ERBIN: variants seen among roughly 807,000 people sequenced by gnomAD.
ERBIN encodes erbb2 interacting protein, also known as densin-180-like protein.
ERBIN carries 60 observed loss-of-function variants against 158.4 expected under a neutral mutation model. That is an observed-to-expected ratio of 0.38 (90% confidence interval 0.31 to 0.47). The LOEUF is 0.47. Among genes scored for constraint, ERBIN ranks in the 20% least tolerant of loss-of-function variants. The pLI is 0.99. For missense variants in ERBIN, 1,610 were observed against 1,648.0 expected (o/e 0.98, Z 0.40); for synonymous variants, 594 against 557.2 (o/e 1.07, Z -0.93).
At chr5:65,956,547 T>TC (rs1301288693) in intron 1 of ERBIN, among the ~76,000 whole-genome samples, 1 of 142,756 alleles carries the variant, frequency 7.0e-6, no homozygotes, top group Non-Finnish European at 1.5e-5. Flanking sequence ...TTTTTTTACT[T>TC]TTTTTTTTTT....
chr5:66,071,037 C>T (rs1761482464), intron 21 of ERBIN, among the ~76,000 whole-genome samples: 1 of 152,100 alleles, frequency 6.6e-6, no homozygotes, highest in Non-Finnish European at 1.5e-5. Flanking sequence ...ATGTGTCTTG[C>T]TTCCTGGCAT....
chr5:66,021,266 G>T, intron 7 of ERBIN, 56 bp from the exon 8 acceptor site: 1 of 1,114,498 alleles, frequency 9.0e-7, no homozygotes, highest in South Asian at 1.4e-5. Flanking sequence ...TGTTTTGAAA[G>T]CTTCCATGTA....
At chr5:65,992,560 A>C in intron 2 of ERBIN, 150 bp from the exon 3 acceptor site, 1 of 535,350 alleles carries the variant, frequency 1.9e-6, no homozygotes, top group South Asian at 3.3e-5. Flanking sequence ...GTGGGTATTA[A>C]AGCAATGTTA....
chr5:66,019,214 T>A (rs559367678), intron 7 of ERBIN, among the ~76,000 whole-genome samples: 1 of 152,284 alleles, frequency 6.6e-6, no homozygotes, highest in Non-Finnish European at 1.5e-5. Context: ...GGTTTTTGCT[T>A]GATTATAACT....
chr5:65,951,255 A>G (rs1746471645), intron 1 of ERBIN, among the ~76,000 whole-genome samples: 1 of 152,270 alleles, frequency 6.6e-6, no homozygotes, highest in Middle Eastern at 3.4e-3. Flanking sequence ...CTTATTTAGT[A>G]TTTAGACTAC....
chr5:65,968,878 A>G (rs987426655), intron 1 of ERBIN, among the ~76,000 whole-genome samples: 12 of 152,244 alleles, frequency 7.9e-5, no homozygotes, highest in Non-Finnish European at 1.5e-4. Flanking sequence ...TTTATTTTTA[A>G]ATTTGGAGAA....
chr5:65,931,895 C>T (rs570501104), intron 1 of ERBIN, among the ~76,000 whole-genome samples: 3 of 150,876 alleles, frequency 2.0e-5, no homozygotes, highest in East Asian at 2.0e-4. Flanking sequence ...CTCGGCTCAC[C>T]GCAGCCTCTG....
rs778191583 is a variant in ERBIN at position 65,992,883 on chromosome 5, T to G, written c.165T>G (p.Ala55=). 1.9e-6 allele frequency: 3 copies of G among 1,605,228 alleles called. No homozygotes were observed. The highest frequency in any genetic ancestry group is 2.5e-6 in the Non-Finnish European group (3 of 1,177,418). Residue 55 remains alanine, a synonymous_variant, in exon 3 of 26, where the codon GCT becomes GCG. Transcript: ENST00000284037. Reference sequence around the variant, plus strand: ...CCTTGGAGGAACTCTATTTAGATGCTAATCAGATTGAAGAGCTTCCAAAGG... The same window carrying G: ...CCTTGGAGGAACTCTATTTAGATGCGAATCAGATTGAAGAGCTTCCAAAGG... The part of the protein sequence containing the change: ...EKTLEELYLD[A]NQIEELPKQL...
intron 1 of ERBIN, among the ~76,000 whole-genome samples, chr5:65,927,596 A>G (rs1742813229): frequency 6.6e-6 from 1 of 152,242 alleles, no homozygotes; most frequent in South Asian, 2.1e-4. Flanking sequence ...TGTACAGTTC[A>G]GAACAGACGA....
intron 1 of ERBIN, among the ~76,000 whole-genome samples, chr5:65,927,570 C>T (rs1050470375): frequency 6.6e-6 from 1 of 152,134 alleles, no homozygotes; most frequent in African/African-American, 2.4e-5. Flanking sequence ...ACCTGTAAGA[C>T]GTTTAATAGG....
At chr5:66,011,425 AG>A (rs1462947347) in intron 4 of ERBIN, among the ~76,000 whole-genome samples, 3 of 152,182 alleles carry the variant, frequency 2.0e-5, no homozygotes, top group Non-Finnish European at 2.9e-5. Context: ...GGGTGGCTCA[AG>A]CCTGTAATCT....
intron 14 of ERBIN, among the ~76,000 whole-genome samples, chr5:66,037,927 TTTTC>T: frequency 6.6e-6 from 1 of 152,244 alleles, no homozygotes; most frequent in East Asian, 1.9e-4. Flanking sequence ...CATCATTCTC[TTTTC>T]AGCTGCTAAC....
At chr5:66,055,585 A>G (rs902511736) in intron 21 of ERBIN, among the ~76,000 whole-genome samples, 6 of 151,832 alleles carry the variant, frequency 4.0e-5, no homozygotes, top group African/African-American at 1.5e-4. Context: ...TCATCTTTTG[A>G]AAGGAGTTAA....
At position 65,977,566 on chromosome 5, in the gene ERBIN, G is replaced by A. The variant is rs1167523811; in HGVS notation, c.-57-11069G>A. Among the ~76,000 whole-genome samples the A allele has an allele frequency of 7.3e-5, 11 of 150,726 alleles. No individual in the cohort carries two copies. The South Asian group carries it at 1.5e-3, about 20-fold the overall frequency. On this transcript the variant is annotated intron_variant, in intron 1 of 25. Coordinates refer to ENST00000284037, the MANE Select transcript of ERBIN (RefSeq NM_001253697.2). ...CCCACATCTCAGACGATGGGCGGCCGGGCAGAGACGCTCCTCACTTCCCAG... is the reference window on the plus strand; with the variant it reads ...CCCACATCTCAGACGATGGGCGGCCAGGCAGAGACGCTCCTCACTTCCCAG...
chr5:66,005,088 A>G (rs1411205142), intron 4 of ERBIN, among the ~76,000 whole-genome samples: 1 of 152,152 alleles, frequency 6.6e-6, no homozygotes, highest in East Asian at 1.9e-4. Flanking sequence ...CTGTCTATAT[A>G]TATATATAGA....
chr5:66,062,526 C>T (rs962479576), intron 21 of ERBIN, among the ~76,000 whole-genome samples: 1 of 151,016 alleles, frequency 6.6e-6, no homozygotes, highest in Non-Finnish European at 1.5e-5. Flanking sequence ...TCTTCTGAAG[C>T]CTTCCTCTCT....
intron 21 of ERBIN, among the ~76,000 whole-genome samples, chr5:66,069,194 T>C (rs1306525196): frequency 6.6e-6 from 1 of 152,242 alleles, no homozygotes; most frequent in Non-Finnish European, 1.5e-5. Context: ...ATAAATTCAT[T>C]ATCTCCTGAG....
At chr5:65,948,314 A>G (rs1193219714) in intron 1 of ERBIN, among the ~76,000 whole-genome samples, 2 of 151,102 alleles carry the variant, frequency 1.3e-5, no homozygotes, top group Admixed American at 6.6e-5. Flanking sequence ...AGCTGGGACT[A>G]CAAGTGCGGG....
At chr5:65,941,451 C>G (rs1745030950) in intron 1 of ERBIN, among the ~76,000 whole-genome samples, 1 of 151,602 alleles carries the variant, frequency 6.6e-6, no homozygotes, top group Non-Finnish European at 1.5e-5. Context: ...AGGTTATATA[C>G]AAATACAACA....
Sources: gnomAD v4.1 joint callset for allele counts (sites outside exome capture counted in the v4.1 genomes callset) on GRCh38, gnomAD v4.1.1 for gene constraint, MANE v1.5 for transcripts, NCBI Gene and HGNC (gene_info 2026-07-23, HGNC 2026-07-21) for gene names.